The following TNFSF4 variants were observed in gnomAD, a reference collection of about 807,000 sequenced individuals.
The protein encoded by TNFSF4 is tumor necrosis factor ligand superfamily member 4.
Under a neutral mutation model 7.3 loss-of-function variants are expected in TNFSF4, and 4 were observed. The ratio of observed to expected loss-of-function variants is 0.55; its 90% CI spans 0.27 to 1.25. The LOEUF (loss-of-function observed/expected upper bound fraction) is 1.25. Among genes scored for constraint, TNFSF4 ranks in the 50% most tolerant of loss-of-function variants. The pLI is 0.12. For synonymous variants in TNFSF4, 76 were observed against 83.7 expected (o/e 0.91, Z 0.50); for missense variants, 181 against 208.8 (o/e 0.87, Z 0.82).
At chr1:173,323,880 G>T in the TNFSF4 span, among the ~76,000 whole-genome samples, 2 of 152,180 alleles carry the variant, frequency 1.3e-5, no homozygotes, top group Non-Finnish European at 2.9e-5. Context: ...CCAAATCTAC[G>T]TCTAATTGGT....
chr1:173,389,271 G>A, the TNFSF4 span, among the ~76,000 whole-genome samples: 1 of 152,138 alleles, frequency 6.6e-6, no homozygotes, highest in East Asian at 1.9e-4. Flanking sequence ...GACAGGGTAA[G>A]AGAAATCAAT....
chr1:173,206,505 G>A (rs942327917), intron 1 of TNFSF4, among the ~76,000 whole-genome samples: 1 of 152,162 alleles, frequency 6.6e-6, no homozygotes, highest in Admixed American at 6.5e-5. Context: ...GTGAATGAGT[G>A]AGCACATAGG....
the TNFSF4 span, among the ~76,000 whole-genome samples, chr1:173,273,075 C>T: frequency 6.6e-6 from 1 of 152,108 alleles, no homozygotes; most frequent in African/African-American, 2.4e-5. Context: ...TCAATTAGGG[C>T]ACAAACAAAA....
At chr1:173,221,144 A>G in the TNFSF4 span, among the ~76,000 whole-genome samples, 1 of 152,218 alleles carries the variant, frequency 6.6e-6, no homozygotes, top group Non-Finnish European at 1.5e-5. Flanking sequence ...CCTGAAGAAA[A>G]GAAAGTGGCT....
the TNFSF4 span, among the ~76,000 whole-genome samples, chr1:173,281,405 T>C: frequency 2.0e-5 from 3 of 152,116 alleles, no homozygotes; most frequent in East Asian, 5.8e-4. Context: ...AAATCTAAGC[T>C]TTAATATATT....
the TNFSF4 span, among the ~76,000 whole-genome samples, chr1:173,395,300 G>C: frequency 2.1e-5 from 3 of 145,888 alleles, no homozygotes; most frequent in Non-Finnish European, 4.5e-5. Flanking sequence ...TGGCAATAGA[G>C]ATACACAAAA....
At chr1:173,228,530 C>G in the TNFSF4 span, among the ~76,000 whole-genome samples, 1 of 152,174 alleles carries the variant, frequency 6.6e-6, no homozygotes. Flanking sequence ...CCTCTCCCCC[C>G]TCCAAAGGAA....
At chr1:173,448,847 T>TGGGCTC in the TNFSF4 span, among the ~76,000 whole-genome samples, 1 of 152,232 alleles carries the variant, frequency 6.6e-6, no homozygotes, top group Non-Finnish European at 1.5e-5. Context: ...TGGCTTGGCT[T>TGGGCTC]GGGCTCAGAG....
the TNFSF4 span, among the ~76,000 whole-genome samples, chr1:173,255,154 C>T: frequency 6.6e-6 from 1 of 152,194 alleles, no homozygotes; most frequent in African/African-American, 2.4e-5. Context: ...CATGCCCCTA[C>T]CAGGCTGCTT....
At chr1:173,393,784 G>A in the TNFSF4 span, among the ~76,000 whole-genome samples, 5 of 152,154 alleles carry the variant, frequency 3.3e-5, no homozygotes, top group Admixed American at 3.3e-4. Context: ...TTCTTCCTGT[G>A]ATCCACTACG....
chr1:173,421,552 TG>T, the TNFSF4 span, among the ~76,000 whole-genome samples: 1 of 152,126 alleles, frequency 6.6e-6, no homozygotes, highest in Non-Finnish European at 1.5e-5. Flanking sequence ...AAATAATCCT[TG>T]TCACTGTTCT....
the TNFSF4 span, among the ~76,000 whole-genome samples, chr1:173,248,498 AAGAAAGAAAGAAAG>A: frequency 4.6e-5 from 7 of 151,756 alleles, no homozygotes; most frequent in African/African-American, 1.2e-4. Flanking sequence ...GAAGGAAAGA[AAGAAAGAAAGAAAG>A]AGAAAGAAGG....
At chr1:173,443,835 C>T in the TNFSF4 span, among the ~76,000 whole-genome samples, 2 of 152,186 alleles carry the variant, frequency 1.3e-5, no homozygotes, top group South Asian at 4.1e-4. Flanking sequence ...CTCCCTGATG[C>T]TACAAAACTG....
chr1:173,440,124 C>G, the TNFSF4 span, among the ~76,000 whole-genome samples: 1 of 152,192 alleles, frequency 6.6e-6, no homozygotes, highest in African/African-American at 2.4e-5. Context: ...CTGGTTGGAG[C>G]TAACTAGGCT....
chr1:173,178,342 G>T, the TNFSF4 span, among the ~76,000 whole-genome samples: 1 of 152,166 alleles, frequency 6.6e-6, no homozygotes, highest in Non-Finnish European at 1.5e-5. Flanking sequence ...TTGGGAGGCC[G>T]AGGCAGGCGG....
chr1:173,302,371 C>T, the TNFSF4 span, among the ~76,000 whole-genome samples: 6 of 151,734 alleles, frequency 4.0e-5, no homozygotes, highest in African/African-American at 1.5e-4. Flanking sequence ...TTCTGACATC[C>T]CTAAGAAGCA....
the TNFSF4 span, among the ~76,000 whole-genome samples, chr1:173,243,000 T>TG: frequency 1.8e-4 from 1 of 5,406 alleles, no homozygotes; most frequent in African/African-American, 7.8e-4. Context: ...AAGAAGTTGG[T>TG]GGGTGGGGGG....
chr1:173,391,675 A>T, the TNFSF4 span, among the ~76,000 whole-genome samples: 1 of 152,014 alleles, frequency 6.6e-6, no homozygotes, highest in Non-Finnish European at 1.5e-5. Flanking sequence ...CCTCGATCTA[A>T]ATCAGTCTAA....
chr1:173,277,249 G>T, the TNFSF4 span, among the ~76,000 whole-genome samples: 1 of 152,112 alleles, frequency 6.6e-6, no homozygotes, highest in Non-Finnish European at 1.5e-5. Flanking sequence ...TTGTCATGAA[G>T]GTAACTATTC....
Sources: gnomAD v4.1 joint callset for allele counts (sites outside exome capture counted in the v4.1 genomes callset) on GRCh38, gnomAD v4.1.1 for gene constraint, MANE v1.5 for transcripts, NCBI Gene and HGNC (gene_info 2026-07-23, HGNC 2026-07-21) for gene names.